APAF1: variants seen among roughly 807,000 people sequenced by gnomAD.
APAF1 encodes apoptotic protease-activating factor 1.
APAF1 carries 91 observed loss-of-function variants against 152.4 expected under a neutral mutation model. The observed-to-expected ratio is 0.60, with a 90% confidence interval of 0.50 to 0.71. APAF1 has a LOEUF of 0.71. APAF1 is among the 30% of genes least tolerant of loss of function. APAF1 has a pLI of 0.00. For missense variants in APAF1, 1,283 were observed against 1,472.0 expected (o/e 0.87, Z 2.10); for synonymous variants, 484 against 494.1 (o/e 0.98, Z 0.27).
At position 98,665,107 on chromosome 12, in the gene APAF1, G is replaced by A. The variant is rs150954862; in HGVS notation, c.956-446G>A. On this transcript the variant is annotated intron_variant, in intron 7 of 26. Coordinates refer to ENST00000551964, the MANE Select transcript of APAF1 (RefSeq NM_181861.2). ...TGCAGTGGTGCTGTCATGGCTCACC[G>A]TAGCCTCAACCTCCTGGGCTGAAGC... Among the ~76,000 whole-genome samples the A allele has an allele frequency of 1.7e-3, 254 of 147,122 alleles. 1 individual carries two copies. Among genetic ancestry groups the A allele is most frequent in the African/African-American group, 5.8e-3 (234 of 40,006 alleles).
intron 20 of APAF1, among the ~76,000 whole-genome samples, chr12:98,709,524 C>T (rs1375205443): frequency 3.9e-5 from 6 of 152,088 alleles, no homozygotes; most frequent in Admixed American, 6.5e-5. Flanking sequence ...AATAAGGTGT[C>T]GTTGCATTGA....
At position 98,648,442 on chromosome 12, in the gene APAF1, A is replaced by G; in HGVS notation, c.83A>G (p.His28Arg). The G allele has an allele frequency of 1.2e-6, 2 of 1,612,910 alleles. No individual in the cohort carries two copies. Among genetic ancestry groups the G allele is most frequent in the Non-Finnish European group, 1.7e-6 (2 of 1,178,866 alleles). Residue 28 changes from histidine to arginine, a missense_variant, in exon 2 of 27, where the codon CAC becomes CGC. By Grantham distance (29) the His-to-Arg change is conservative. Coordinates refer to ENST00000551964, the MANE Select transcript of APAF1 (RefSeq NM_181861.2). ...KDIKTSYIMD[H>R]MISDGFLTIS... Reference sequence around the variant, plus strand: ...ATCAAGACATCCTACATCATGGATCACATGATTAGTGATGGATTTTTAACA... The same window carrying G: ...ATCAAGACATCCTACATCATGGATCGCATGATTAGTGATGGATTTTTAACA...
chr12:98,701,288 C>T (rs909045206), intron 17 of APAF1, among the ~76,000 whole-genome samples: 2 of 152,126 alleles, frequency 1.3e-5, no homozygotes, highest in Non-Finnish European at 2.9e-5. Context: ...TGGTTTGTTT[C>T]CACCTTTTGG....
intron 14 of APAF1, among the ~76,000 whole-genome samples, chr12:98,682,052 G>GTTTTTTTTT (rs923577593): frequency 3.2e-5 from 4 of 123,864 alleles, no homozygotes; most frequent in Admixed American, 8.2e-5. Context: ...TAATTTTTTT[G>GTTTTTTTTT]TTTTTTTTTT....
chr12:98,663,855 C>T (rs1253452162), intron 7 of APAF1, among the ~76,000 whole-genome samples: 2 of 151,892 alleles, frequency 1.3e-5, no homozygotes, highest in Middle Eastern at 3.2e-3. Context: ...GACGGGGTTT[C>T]GCCATGTTGG....
Position 98,699,277 on chromosome 12 carries a change from G to A in APAF1, c.2305-131G>A, listed in dbSNP as rs1489454153. 10 of 913,552 alleles carry A rather than the reference G, an allele frequency of 1.1e-5. No individual in the cohort carries two copies. In the Admixed American group the frequency reaches 2.6e-4, roughly 23 times the overall value. 56.6% of individuals were successfully genotyped at this position (913,552 alleles called of 1,614,324 possible). On this transcript the variant is annotated intron_variant, in intron 16 of 26. Transcript: ENST00000551964. ...TCTTAATTTAAAAGCCTTACAAAAA[G>A]TCATGCATAGGTAAAAATAATTCAT...
At chr12:98,713,120 A>G (rs1025537257) in intron 21 of APAF1, among the ~76,000 whole-genome samples, 9 of 152,306 alleles carry the variant, frequency 5.9e-5, no homozygotes, top group East Asian at 1.9e-4. Context: ...CATCCAGCCT[A>G]TTGTACACTT....
chr12:98,706,683 G>A, intron 19 of APAF1, 73 bp downstream of exon 19: 1 of 1,563,744 alleles, frequency 6.4e-7, no homozygotes, highest in Non-Finnish European at 8.8e-7. Flanking sequence ...CTAAGAAATT[G>A]ATGGGTAGCA....
At chr12:98,667,696 G>T in intron 10 of APAF1, 52 bp downstream of exon 10, 1 of 1,538,602 alleles carries the variant, frequency 6.5e-7, no homozygotes. Flanking sequence ...TTTTCCATAT[G>T]TATTACAAAT....
At chr12:98,676,791 C>T (rs1470273401) in intron 12 of APAF1, among the ~76,000 whole-genome samples, 2 of 152,036 alleles carry the variant, frequency 1.3e-5, no homozygotes, top group Admixed American at 6.6e-5. Flanking sequence ...GGATTACAGG[C>T]ACGTGCCACC....
chr12:98,664,059 G>A (rs757169069), intron 7 of APAF1, among the ~76,000 whole-genome samples: 13 of 151,154 alleles, frequency 8.6e-5, no homozygotes, highest in African/African-American at 2.4e-4. Flanking sequence ...TCACTCTGTC[G>A]CCCAGGCTGG....
At position 98,704,018 on chromosome 12, in the gene APAF1, C is replaced by T. The variant is rs1290747251; in HGVS notation, c.2595+519C>T. Among the ~76,000 whole-genome samples, 7 of 152,128 alleles carry T rather than the reference C, an allele frequency of 4.6e-5. No homozygotes were observed. In the East Asian group the frequency reaches 1.2e-3, roughly 25 times the overall value. On this transcript the variant is annotated intron_variant, in intron 18 of 26. Coordinates refer to ENST00000551964, the MANE Select transcript of APAF1 (RefSeq NM_181861.2). The stretch of plus-strand genomic sequence containing the variant: ...GTACTTACCTGTTAAATTTTATGTT[C>T]AGAATGTATACCTAGCTGGCCCTGG...
chr12:98,654,656 C>T (rs972516133), intron 4 of APAF1, among the ~76,000 whole-genome samples: 3 of 152,038 alleles, frequency 2.0e-5, no homozygotes, highest in Non-Finnish European at 2.9e-5. Context: ...ATCCCCTCGC[C>T]TCGGCCTCCC....
chr12:98,695,309 C>T (rs2097708582), intron 16 of APAF1, among the ~76,000 whole-genome samples: 1 of 151,718 alleles, frequency 6.6e-6, no homozygotes, highest in South Asian at 2.1e-4. Context: ...TCTTGGCCTC[C>T]CAAAGTTCTG....
chr12:98,691,419 A>G (rs2097704093), intron 16 of APAF1, among the ~76,000 whole-genome samples: 2 of 151,978 alleles, frequency 1.3e-5, no homozygotes, highest in South Asian at 4.1e-4. Flanking sequence ...CCTTGATTGT[A>G]TTGTTCTTTA....
At chr12:98,721,167 G>A (rs561168031) in intron 22 of APAF1, among the ~76,000 whole-genome samples, 6 of 152,204 alleles carry the variant, frequency 3.9e-5, no homozygotes, top group African/African-American at 1.2e-4. Flanking sequence ...GTGTGTTTCC[G>A]TGCAACAACA....
intron 4 of APAF1, among the ~76,000 whole-genome samples, chr12:98,651,669 T>A (rs1360683717): frequency 2.6e-5 from 4 of 152,154 alleles, no homozygotes; most frequent in Non-Finnish European, 4.4e-5. Context: ...TATTTTTGTT[T>A]TTTTTTAAAG....
In APAF1 at chr12:98,648,737, G is replaced by C; in HGVS notation, c.250G>C (p.Ala84Pro). The change falls in exon 3 of 27, where the codon GCT (alanine) becomes CCT (proline). Residue 84 changes from alanine to proline, a missense_variant. Physicochemically the swap from Ala to Pro is conservative, Grantham distance 27. Coordinates refer to ENST00000551964, the MANE Select transcript of APAF1 (RefSeq NM_181861.2). Reference protein sequence around the residue: ...ALLHEGYKDLAALLHDGIPVV... With the variant: ...ALLHEGYKDLPALLHDGIPVV... ...ACTACATGAAGGATATAAAGATCTT[G>C]CTGCCCTTCTCCATGATGGCATTCC... The C allele has an allele frequency of 6.2e-7, 1 of 1,613,964 alleles. No homozygotes were observed. Among genetic ancestry groups the C allele is most frequent in the South Asian group, 1.1e-5 (1 of 91,072 alleles).
intron 3 of APAF1, 119 bp from the exon 4 acceptor site, chr12:98,649,368 T>G (rs1475118422): frequency 1.5e-6 from 2 of 1,365,740 alleles, no homozygotes; most frequent in African/African-American, 2.9e-5. Context: ...CACATTTTCT[T>G]AACTTCTCTT....
Sources: allele counts gnomAD v4.1 joint callset (sites outside exome capture counted in the v4.1 genomes callset), GRCh38; gene constraint gnomAD v4.1.1; transcripts MANE v1.5; gene names NCBI Gene and HGNC (gene_info 2026-07-23, HGNC 2026-07-21).